The following MYOCD variants were observed in gnomAD, a reference collection of about 807,000 sequenced individuals.
MYOCD encodes myocardin.
Under a neutral mutation model 96.1 loss-of-function variants are expected in MYOCD, and 32 were observed. The ratio of observed to expected loss-of-function variants is 0.33; its 90% CI spans 0.25 to 0.45. The LOEUF (loss-of-function observed/expected upper bound fraction) is 0.45, where lower values mean the gene tolerates loss of function less well. Among genes scored for constraint, MYOCD ranks in the 20% least tolerant of loss-of-function variants. The probability of loss-of-function intolerance (pLI) is 1.00; values close to 1 mark genes in which losing one functional copy is unlikely to be tolerated. For synonymous variants in MYOCD, 469 were observed against 469.0 expected, an observed-to-expected ratio of 1.00 and a Z score of 0.00; for missense variants, 1,133 against 1,200.6, an observed-to-expected ratio of 0.94 and a Z score of 0.83.
intron 2 of MYOCD, 188 bp downstream of exon 2, chr17:12,705,381 G>T: frequency 2.0e-6 from 1 of 501,084 alleles, no homozygotes; most frequent in South Asian, 3.7e-5. Context: ...ACCTGCAAGG[G>T]GCTCCTTTTA....
intron 1 of MYOCD, among the ~76,000 whole-genome samples, chr17:12,685,153 G>A (rs1277663015): frequency 6.7e-6 from 1 of 149,254 alleles, no homozygotes; most frequent in Non-Finnish European, 1.5e-5. Context: ...AAAAATATTA[G>A]CCAGGCATGG....
intron 10 of MYOCD, among the ~76,000 whole-genome samples, chr17:12,754,930 G>A (rs2150722509): frequency 6.6e-6 from 1 of 152,276 alleles, no homozygotes; most frequent in African/African-American, 2.4e-5. Context: ...GCTTAAATTA[G>A]TTACCCAGGA....
intron 1 of MYOCD, among the ~76,000 whole-genome samples, chr17:12,686,328 T>A (rs936091375): frequency 6.6e-6 from 1 of 152,228 alleles, no homozygotes; most frequent in South Asian, 2.1e-4. Flanking sequence ...CAAAGTCATA[T>A]GGCTATTTAG....
chr17:12,705,899 G>C (rs1365255997), intron 2 of MYOCD: 1 of 152,146 alleles, frequency 6.6e-6, no homozygotes, highest in African/African-American at 2.4e-5. Context: ...CAGAAATTCA[G>C]GTGTCTGTAA....
chr17:12,760,219 C>T lies in MYOCD; in HGVS notation c.2332-431C>T, dbSNP rs926365225. On this transcript the variant is annotated intron_variant, in intron 12 of 13. Transcript: ENST00000425538. The stretch of plus-strand genomic sequence containing the variant: ...TCACAACATAGATCAACCTTAAGGA[C>T]ATTACGCTTAGGGAAATAAGCTAGT... 9 of 190,530 alleles carry T rather than the reference C, an allele frequency of 4.7e-5. No homozygotes were observed. In the Admixed American group the frequency reaches 4.8e-4, roughly 10 times the overall value. 11.8% of individuals were successfully genotyped at this position (190,530 alleles called of 1,614,324 possible). A position where few individuals can be genotyped will look rare whatever the true frequency, so the allele number is the denominator to read the frequency against.
chr17:12,714,144 G>T (rs1285052430), intron 2 of MYOCD, among the ~76,000 whole-genome samples: 1 of 151,990 alleles, frequency 6.6e-6, no homozygotes, highest in Non-Finnish European at 1.5e-5. Context: ...GGTGAACAGG[G>T]AGATTTATAG....
intron 2 of MYOCD, among the ~76,000 whole-genome samples, chr17:12,710,838 T>C (rs2031460083): frequency 6.6e-6 from 1 of 152,172 alleles, no homozygotes; most frequent in Non-Finnish European, 1.5e-5. Context: ...GTCAATCCCA[T>C]TTGGGTCAAA....
intron 5 of MYOCD, among the ~76,000 whole-genome samples, chr17:12,729,059 T>C (rs543765603): frequency 6.6e-6 from 1 of 152,336 alleles, no homozygotes; most frequent in Admixed American, 6.5e-5. Context: ...TCACCCTCTC[T>C]GATCGTTCAT....
rs2033412327 is a variant in MYOCD at position 12,768,924 on chromosome 17, A to T, written c.*5280A>T. 6.6e-6 allele frequency: 1 copy of T among 151,990 alleles called. No homozygotes were observed. The highest frequency in any genetic ancestry group is 1.5e-5 in the Non-Finnish European group (1 of 68,004). 9.4% of individuals were successfully genotyped at this position (151,990 alleles called of 1,614,324 possible). ...AAAAAAAAAAATGCATATATTTTTA[A>T]ATAAAATGTTTATTTTAAAAAGAAA... On this transcript the variant is annotated 3_prime_UTR_variant, in exon 14 of 14. Coordinates refer to ENST00000425538, the MANE Select transcript of MYOCD (RefSeq NM_001146312.3).
rs767804135 is a variant in MYOCD at position 12,717,393 on chromosome 17, C to T, written c.225C>T (p.Ala75=). The change falls in exon 4 of 14, where the codon GCC becomes GCT. Residue 75 remains alanine, a synonymous_variant. Transcript: ENST00000425538. The part of the protein sequence containing the change: ...KRKARNRCNS[A]DLVNMHILQA... ...AAGCCAGAAACAGGTGCAACAGTGC[C>T]GACTTGGTTAATATGCACATACTCC... is the stretch of plus-strand genomic sequence containing the variant. 8.1e-6 allele frequency: 13 copies of T among 1,613,928 alleles called. No homozygotes were observed. Among genetic ancestry groups the T allele is most frequent in the East Asian group, 2.2e-5 (1 of 44,864 alleles).
At chr17:12,736,727 G>A (rs1297164655) in intron 6 of MYOCD, among the ~76,000 whole-genome samples, 1 of 152,178 alleles carries the variant, frequency 6.6e-6, no homozygotes, top group East Asian at 1.9e-4. Flanking sequence ...ATCTCTCTAT[G>A]CACTGAGGAC....
rs1567600162 is a variant in MYOCD at position 12,753,101 on chromosome 17, C to A, written c.1813C>A (p.Gln605Lys). 1 of 1,614,182 alleles carries A rather than the reference C, an allele frequency of 6.2e-7. No homozygotes were observed. The highest frequency in any genetic ancestry group is 2.2e-5 in the East Asian group (1 of 44,864). ...ECHPPACEAAQLQPLGNAHCV... is the reference protein window; with the variant it reads ...ECHPPACEAAKLQPLGNAHCV... ...TCACCCACCGGCTTGTGAAGCTGCT[C>A]AACTCCAGCCTCTTGGAAATGCTCA... Residue 605 changes from glutamine (Q) to lysine (K), a missense_variant, in exon 10 of 14, where the codon CAA becomes AAA. Transcript: ENST00000425538.
chr17:12,690,309 T>C (rs923536371), intron 1 of MYOCD, among the ~76,000 whole-genome samples: 1 of 152,164 alleles, frequency 6.6e-6, no homozygotes, highest in Admixed American at 6.5e-5. Context: ...TTGTTACTTA[T>C]CAAATTAGCA....
chr17:12,760,561 T>C, intron 12 of MYOCD, 89 bp from the exon 13 acceptor site: 2 of 1,107,658 alleles, frequency 1.8e-6, no homozygotes, highest in Non-Finnish European at 2.8e-6. Flanking sequence ...CAAACCTAGT[T>C]CAAAATCTTG....
chr17:12,728,894 C>T (rs199738468), intron 5 of MYOCD, among the ~76,000 whole-genome samples: 7 of 152,298 alleles, frequency 4.6e-5, no homozygotes, highest in South Asian at 2.1e-4. Flanking sequence ...TCAGCCCCTC[C>T]GGGGCTGGTC....
At chr17:12,760,449 G>A in intron 12 of MYOCD, 1 of 546,348 alleles carries the variant, frequency 1.8e-6, no homozygotes, top group Non-Finnish European at 3.3e-6. Context: ...ACACAATTGT[G>A]TGAATGTACT....
At position 12,768,396 on chromosome 17, in the gene MYOCD, G is replaced by GT. The variant is rs1334183556; in HGVS notation, c.*4753dup. The GT allele has an allele frequency of 1.5e-4, 23 of 152,356 alleles. No individual in the cohort carries two copies. Among genetic ancestry groups the GT allele is most frequent in the African/African-American group, 5.3e-4 (22 of 41,582 alleles). 9.4% of individuals were successfully genotyped at this position (152,356 alleles called of 1,614,324 possible). On this transcript the variant is annotated 3_prime_UTR_variant, in exon 14 of 14. Transcript: ENST00000425538. ...ACTCATTGAATGCAATAACATGTGA[G>GT]TAAGTTCCCTTTTGATTCTGGGAAT...
intron 1 of MYOCD, among the ~76,000 whole-genome samples, chr17:12,674,747 A>G (rs552352168): frequency 1.9e-4 from 29 of 152,304 alleles, no homozygotes; most frequent in African/African-American, 6.3e-4. Context: ...AAAATTGACT[A>G]TCTCTTTGGA....
Position 12,763,082 on chromosome 17 carries a change from C to G in MYOCD, c.2399C>G (p.Ala800Gly), listed in dbSNP as rs769394829. 11 of 1,604,216 alleles carry G rather than the reference C, an allele frequency of 6.9e-6. 1 individual carries two copies. In the South Asian group the frequency reaches 1.0e-4, roughly 15 times the overall value. The change falls in exon 14 of 14, where the codon GCA becomes GGA. Residue 800 changes from alanine (A) to glycine (G), a missense_variant. By Grantham distance (60) the Ala-to-Gly change is moderately conservative. Coordinates refer to ENST00000425538, the MANE Select transcript of MYOCD (RefSeq NM_001146312.3). ...CGTGTATTGCCCACAGAAATGCCAG[C>G]AGACGCTAGAGAGGATCACTCATGT... Reference protein sequence around the residue: ...DVLIESGEMPADAREDHSCLQ... With the variant: ...DVLIESGEMPGDAREDHSCLQ...
Sources: gnomAD v4.1 joint callset for allele counts (sites outside exome capture counted in the v4.1 genomes callset) on GRCh38, gnomAD v4.1.1 for gene constraint, MANE v1.5 for transcripts, NCBI Gene and HGNC (gene_info 2026-07-23, HGNC 2026-07-21) for gene names.